CADPS: variants seen among roughly 807,000 people sequenced by gnomAD.
CADPS encodes the protein calcium dependent secretion activator, also known as calcium-dependent secretion activator 1.
CADPS carries 57 observed loss-of-function variants against 167.3 expected under a neutral mutation model. That is an observed-to-expected ratio of 0.34 (90% CI 0.28 to 0.42). The LOEUF (loss-of-function observed/expected upper bound fraction) is 0.42. Among genes scored for constraint, CADPS ranks in the 20% least tolerant of loss-of-function variants. CADPS has a pLI of 1.00. For missense variants in CADPS, 1,414 were observed against 1,738.1 expected (o/e 0.81, Z 3.32); for synonymous variants, 676 against 635.3 (o/e 1.06, Z -0.96).
chr3:62,628,625 C>T (rs1410292157), intron 6 of CADPS, among the ~76,000 whole-genome samples: 4 of 145,510 alleles, frequency 2.7e-5, no homozygotes, highest in East Asian at 4.1e-4. Context: ...AACCATGAGC[C>T]TTTTTTTTTT....
In CADPS at chr3:62,481,691, T is replaced by C. The variant is rs775021417; in HGVS notation, c.3173+32A>G. ...TATCCATGCCAAGATCACTTAAATT[T>C]AAATGAGATCTAATGTGAACTGAAT... On this transcript the variant is annotated intron_variant, in intron 22 of 29. Transcript: ENST00000383710. The C allele has an allele frequency of 2.6e-6, 4 of 1,541,200 alleles. No homozygotes were observed. The South Asian group carries it at 5.1e-5, about 20-fold the overall frequency.
At chr3:62,406,141 C>T (rs1397852346) in intron 28 of CADPS, among the ~76,000 whole-genome samples, 3 of 152,210 alleles carry the variant, frequency 2.0e-5, no homozygotes, top group Admixed American at 6.5e-5. Context: ...TCATGACAGC[C>T]GATCTTGCAC....
At chr3:62,467,899 C>T (rs1462106718) in intron 24 of CADPS, among the ~76,000 whole-genome samples, 1 of 152,084 alleles carries the variant, frequency 6.6e-6, no homozygotes, top group Non-Finnish European at 1.5e-5. Flanking sequence ...GTCATCGTGA[C>T]TCAAATATTG....
In CADPS at chr3:62,564,487, T is replaced by G. The variant is rs1466257414; in HGVS notation, c.1644+6385A>C. Among the ~76,000 whole-genome samples, 4 of 152,170 alleles carry G rather than the reference T, an allele frequency of 2.6e-5. No homozygotes were observed. The East Asian group carries it at 7.7e-4, about 29-fold the overall frequency. On this transcript the variant is annotated intron_variant, in intron 9 of 29. Transcript: ENST00000383710. ...CTCTAAGAAACCATATAAATATAAG[T>G]GATTGTCCACATTATTAGAGGAACC...
chr3:62,537,929 T>A (rs937399943), intron 11 of CADPS, among the ~76,000 whole-genome samples: 1 of 152,186 alleles, frequency 6.6e-6, no homozygotes, highest in Admixed American at 6.5e-5. Context: ...TCATTTTTCA[T>A]AGAAGCAGCA....
At chr3:62,745,278 G>T (rs2081213292) in intron 3 of CADPS, among the ~76,000 whole-genome samples, 1 of 151,990 alleles carries the variant, frequency 6.6e-6, no homozygotes, top group African/African-American at 2.4e-5. Flanking sequence ...TCACCATGTT[G>T]CCCAGCCTGG....
intron 3 of CADPS, among the ~76,000 whole-genome samples, chr3:62,683,041 T>A (rs1332436157): frequency 6.6e-6 from 1 of 151,970 alleles, no homozygotes; most frequent in Non-Finnish European, 1.5e-5. Flanking sequence ...AGAGGAAATG[T>A]TGGAAGCAGG....
At chr3:62,595,803 G>A (rs554843356) in intron 6 of CADPS, among the ~76,000 whole-genome samples, 1 of 152,108 alleles carries the variant, frequency 6.6e-6, no homozygotes, top group African/African-American at 2.4e-5. Flanking sequence ...CAGTGGGCTG[G>A]CAAAGGCAGA....
chr3:62,581,081 T>C (rs1038509075), intron 8 of CADPS, among the ~76,000 whole-genome samples: 5 of 152,202 alleles, frequency 3.3e-5, no homozygotes, highest in Non-Finnish European at 7.3e-5. Flanking sequence ...GGAATCCTCA[T>C]TCATCACTAT....
chr3:62,759,311 TGTTG>T (rs2084773251), intron 2 of CADPS, among the ~76,000 whole-genome samples: 1 of 152,252 alleles, frequency 6.6e-6, no homozygotes, highest in Non-Finnish European at 1.5e-5. Flanking sequence ...TTGGTTAGCC[TGTTG>T]CCTACTATTC....
At chr3:62,453,093 A>G (rs1028773985) in intron 26 of CADPS, among the ~76,000 whole-genome samples, 14 of 152,184 alleles carry the variant, frequency 9.2e-5, no homozygotes, top group African/African-American at 2.9e-4. Context: ...TGATCATGCC[A>G]CTGCACTCCA....
At chr3:62,668,669 T>A (rs75392007) in intron 3 of CADPS, among the ~76,000 whole-genome samples, 2,271 of 152,262 alleles carry the variant, frequency 0.015, 57 homozygotes, top group African/African-American at 0.05. Flanking sequence ...TGTGATTTGG[T>A]GTTTGCCTAC....
intron 28 of CADPS, among the ~76,000 whole-genome samples, chr3:62,413,280 G>T (rs1002338870): frequency 1.3e-5 from 2 of 152,082 alleles, no homozygotes; most frequent in Non-Finnish European, 2.9e-5. Flanking sequence ...GAGTATAGAT[G>T]CAAAAACATT....
At chr3:62,872,597 A>G (rs1341900881) in intron 1 of CADPS, among the ~76,000 whole-genome samples, 1 of 152,212 alleles carries the variant, frequency 6.6e-6, no homozygotes, top group East Asian at 1.9e-4. Flanking sequence ...TGCAAACAGC[A>G]TGCCCCTCAA....
intron 3 of CADPS, among the ~76,000 whole-genome samples, chr3:62,698,431 G>A (rs1332942622): frequency 1.3e-5 from 2 of 152,048 alleles, no homozygotes; most frequent in African/African-American, 4.8e-5. Context: ...CAGGTACGAT[G>A]TTTTGTGTAG....
intron 18 of CADPS, among the ~76,000 whole-genome samples, chr3:62,496,179 G>A (rs1230454687): frequency 1.3e-5 from 2 of 151,348 alleles, no homozygotes; most frequent in Non-Finnish European, 2.9e-5. Context: ...AAAACCCTAT[G>A]TTTAGTGTGC....
At position 62,874,435 on chromosome 3, in the gene CADPS, G is replaced by A. The variant is rs1392686390; in HGVS notation, c.441+154C>T. ...GGTTGGGCTGGGCCTGGGCGAGCCCGGCCGCTGGGAGGGGGCCTCGTAGCC... is the reference window on the plus strand; with the variant it reads ...GGTTGGGCTGGGCCTGGGCGAGCCCAGCCGCTGGGAGGGGGCCTCGTAGCC... On this transcript the variant is annotated intron_variant, in intron 1 of 29. Coordinates refer to ENST00000383710, the MANE Select transcript of CADPS (RefSeq NM_003716.4). The surrounding 1 kb of genome is among the most constrained non-coding windows in gnomAD (Gnocchi z 7.1). Among the ~76,000 whole-genome samples the A allele has an allele frequency of 2.0e-5, 3 of 152,060 alleles. No homozygotes were observed. Among genetic ancestry groups the A allele is most frequent in the Non-Finnish European group, 2.9e-5 (2 of 67,996 alleles).
intron 18 of CADPS, among the ~76,000 whole-genome samples, chr3:62,498,357 C>T (rs116368774): frequency 2.4e-3 from 361 of 152,038 alleles, no homozygotes; most frequent in African/African-American, 8.0e-3. Flanking sequence ...TTCCCCTTTG[C>T]TGTAAATCTG....
chr3:62,440,441 T>A (rs1449457806), intron 27 of CADPS: 1 of 151,974 alleles, frequency 6.6e-6, no homozygotes, highest in African/African-American at 2.4e-5. Context: ...GAATAATGTA[T>A]GTAAAAATGT....
Sources: allele counts gnomAD v4.1 joint callset (sites outside exome capture counted in the v4.1 genomes callset), GRCh38; gene constraint gnomAD v4.1.1; non-coding constraint Gnocchi (gnomAD v3.1); transcripts MANE v1.5; gene names NCBI Gene and HGNC (gene_info 2026-07-23, HGNC 2026-07-21).